The following TBC1D12 variants were observed in gnomAD, a reference collection of about 807,000 sequenced individuals.
The protein encoded by TBC1D12 is TBC1 domain family, member 12.
In TBC1D12, 56 loss-of-function variants were observed where a neutral mutation model predicts 86.7. The observed-to-expected ratio is 0.65, with a 90% CI of 0.52 to 0.81. The LOEUF is 0.81. Among genes scored for constraint, TBC1D12 ranks in the 30% least tolerant of loss-of-function variants. The probability of loss-of-function intolerance (pLI) is 0.00; values close to 1 mark genes in which losing one functional copy is unlikely to be tolerated. For missense variants in TBC1D12, 1,023 were observed against 1,038.8 expected (o/e 0.98, Z 0.21); for synonymous variants, 421 against 411.7 (o/e 1.02, Z -0.27).
Position 94,528,018 on chromosome 10 carries a change from CT to C in TBC1D12, c.2001-3174del, listed in dbSNP as rs201087019. Reference sequence around the variant, plus strand: ...AGATCTGGTAGTCTAATGCCTCCAGCTTTTTTTTTTCTTCTTTTCTCAAGAT... The same window carrying C: ...AGATCTGGTAGTCTAATGCCTCCAGCTTTTTTTTTCTTCTTTTCTCAAGAT... On this transcript the variant is annotated intron_variant, in intron 11 of 12. Transcript: ENST00000225235. Among the ~76,000 whole-genome samples the C allele has an allele frequency of 8.0e-4, 119 of 148,328 alleles. No individual in the cohort carries two copies. The Middle Eastern group carries it at 0.017, about 22-fold the overall frequency.
chr10:94,507,040 A>G (rs1456843566), intron 6 of TBC1D12, among the ~76,000 whole-genome samples: 2 of 152,084 alleles, frequency 1.3e-5, no homozygotes, highest in African/African-American at 4.8e-5. Context: ...TTTCTGCCTC[A>G]TATGTACATT....
chr10:94,506,596 C>T (rs1304759695), intron 6 of TBC1D12, among the ~76,000 whole-genome samples: 2 of 152,074 alleles, frequency 1.3e-5, no homozygotes, highest in Non-Finnish European at 2.9e-5. Context: ...TCTTTCCTGT[C>T]CTGAAGTTTT....
intron 1 of TBC1D12, among the ~76,000 whole-genome samples, chr10:94,417,479 A>G (rs1021988460): frequency 2.6e-5 from 4 of 152,216 alleles, no homozygotes; most frequent in Admixed American, 2.6e-4. Flanking sequence ...CATATTTTGT[A>G]AGGAATTTAA....
chr10:94,497,706 T>G, intron 5 of TBC1D12, among the ~76,000 whole-genome samples: 1 of 149,006 alleles, frequency 6.7e-6, no homozygotes, highest in Admixed American at 6.8e-5. Context: ...TTTTTGTATT[T>G]TTAGTGGAGA....
At chr10:94,505,153 G>A (rs1460068382) in intron 6 of TBC1D12, among the ~76,000 whole-genome samples, 2 of 152,054 alleles carry the variant, frequency 1.3e-5, no homozygotes, top group Non-Finnish European at 2.9e-5. Flanking sequence ...GAAGCTGACT[G>A]TCTTAGAACC....
Position 94,441,797 on chromosome 10 carries a change from T to C in TBC1D12, c.972-99T>C, listed in dbSNP as rs531949885. ...GTAGAAATAGTTTTATTTAAAAGTA[T>C]TTTTGTTTTTGCCTTGGGAACAAAC... On this transcript the variant is annotated intron_variant, in intron 1 of 12. Coordinates refer to ENST00000225235, the MANE Select transcript of TBC1D12 (RefSeq NM_015188.2). The C allele has an allele frequency of 5.9e-6, 7 of 1,186,068 alleles. No individual in the cohort carries two copies. In the East Asian group the frequency reaches 1.8e-4, roughly 31 times the overall value. The allele number at this position is 1,186,068 out of a possible 1,614,324, so 73.5% of individuals were successfully genotyped here. A position where few individuals can be genotyped will look rare whatever the true frequency, so the allele number is the denominator to read the frequency against.
At chr10:94,413,814 C>T (rs1014420487) in intron 1 of TBC1D12, among the ~76,000 whole-genome samples, 2 of 151,702 alleles carry the variant, frequency 1.3e-5, no homozygotes, top group African/African-American at 4.8e-5. Flanking sequence ...TGTCTCTAAC[C>T]CCACATAGAT....
chr10:94,430,590 A>G (rs2055202457), intron 1 of TBC1D12, among the ~76,000 whole-genome samples: 1 of 152,190 alleles, frequency 6.6e-6, no homozygotes, highest in Non-Finnish European at 1.5e-5. Flanking sequence ...GGTCCTATGT[A>G]GCTTTTTTTG....
chr10:94,410,251 A>C (rs1175114148), intron 1 of TBC1D12, among the ~76,000 whole-genome samples: 1 of 152,240 alleles, frequency 6.6e-6, no homozygotes, highest in Non-Finnish European at 1.5e-5. Flanking sequence ...AACCTAGAAC[A>C]ATGATATTCA....
chr10:94,515,579 C>T (rs2056582059), intron 9 of TBC1D12, among the ~76,000 whole-genome samples: 1 of 151,580 alleles, frequency 6.6e-6, no homozygotes, highest in Non-Finnish European at 1.5e-5. Flanking sequence ...GAACTCCTGA[C>T]CTCAGGCGAT....
intron 11 of TBC1D12, among the ~76,000 whole-genome samples, chr10:94,529,605 C>T (rs1842375627): frequency 2.6e-5 from 4 of 151,914 alleles, no homozygotes; most frequent in Admixed American, 2.6e-4. Flanking sequence ...GCAACAAGAG[C>T]AAAACTCCAT....
chr10:94,467,000 C>G (rs926459661), intron 2 of TBC1D12, among the ~76,000 whole-genome samples: 3 of 152,012 alleles, frequency 2.0e-5, no homozygotes, highest in Admixed American at 2.0e-4. Context: ...TTAGGTTTCT[C>G]TCATGATTTC....
At chr10:94,477,400 T>C (rs1006533378) in intron 3 of TBC1D12, among the ~76,000 whole-genome samples, 34 of 152,236 alleles carry the variant, frequency 2.2e-4, no homozygotes, top group Admixed American at 9.8e-4. Context: ...CTTCTTCTAC[T>C]TCAACCAATT....
At chr10:94,432,843 T>C (rs1249280598) in intron 1 of TBC1D12, among the ~76,000 whole-genome samples, 12 of 151,968 alleles carry the variant, frequency 7.9e-5, no homozygotes, top group African/African-American at 2.7e-4. Context: ...CCACATCCAC[T>C]GAAAGACTTA....
At chr10:94,475,566 G>A (rs1243074251) in intron 3 of TBC1D12, among the ~76,000 whole-genome samples, 1 of 152,094 alleles carries the variant, frequency 6.6e-6, no homozygotes, top group Non-Finnish European at 1.5e-5. Flanking sequence ...GAGTAGCTGG[G>A]ATTACAGACA....
chr10:94,511,629 C>T lies in TBC1D12; in HGVS notation c.1736C>T (p.Thr579Ile). The T allele has an allele frequency of 1.2e-6, 2 of 1,612,974 alleles. No homozygotes were observed. Among genetic ancestry groups the T allele is most frequent in the Non-Finnish European group, 1.7e-6 (2 of 1,179,218 alleles). The change falls in exon 9 of 13, where the codon ACA becomes ATA. Residue 579 changes from threonine (T) to isoleucine (I), a missense_variant. This residue lies in a region of TBC1D12 where 395 missense variants were observed against 507.7 expected (regional missense o/e 0.78). Transcript: ENST00000225235. ...DVLHSILGAY[T>I]CYRPDVGYVQ... ...TTGCATAGTATTTTAGGGGCATACA[C>T]ATGCTACAGGCCTGATGTTGGTTAT...
chr10:94,481,336 G>T (rs542446191), intron 3 of TBC1D12, among the ~76,000 whole-genome samples: 27 of 151,394 alleles, frequency 1.8e-4, no homozygotes, highest in African/African-American at 6.5e-4. Flanking sequence ...TCCAGTAGAA[G>T]GCTGTTTTGT....
intron 1 of TBC1D12, 105 bp downstream of exon 1, chr10:94,403,689 G>C (rs1445439016): frequency 1.3e-5 from 18 of 1,341,380 alleles, no homozygotes; most frequent in Non-Finnish European, 1.7e-5. Flanking sequence ...CGGAGAGCTT[G>C]GTCGGCCGCT....
intron 5 of TBC1D12, among the ~76,000 whole-genome samples, chr10:94,499,574 A>T (rs529660400): frequency 6.6e-6 from 1 of 152,320 alleles, no homozygotes; most frequent in South Asian, 2.1e-4. Flanking sequence ...ATCTTCTGCA[A>T]TGCCTACTGT....
Sources: allele counts gnomAD v4.1 joint callset (sites outside exome capture counted in the v4.1 genomes callset), GRCh38; gene constraint gnomAD v4.1.1; regional missense constraint gnomAD v4.1.1; transcripts MANE v1.5; gene names NCBI Gene and HGNC (gene_info 2026-07-23, HGNC 2026-07-21).